STARD13: variants seen among roughly 807,000 people sequenced by gnomAD.
STARD13 encodes the protein StAR related lipid transfer domain containing 13, also known as stAR-related lipid transfer protein 13.
STARD13 carries 62 observed loss-of-function variants against 106.4 expected under a neutral mutation model. That is an observed-to-expected ratio of 0.58 (90% CI 0.48 to 0.72). The LOEUF (loss-of-function observed/expected upper bound fraction) is 0.72, where lower values mean the gene tolerates loss of function less well. STARD13 is among the 30% of genes least tolerant of loss of function. The probability of loss-of-function intolerance (pLI) is 0.00; values close to 1 mark genes in which losing one functional copy is unlikely to be tolerated. For synonymous variants in STARD13, 565 were observed against 553.0 expected, an observed-to-expected ratio of 1.02 and a Z score of -0.31; for missense variants, 1,387 against 1,424.0, an observed-to-expected ratio of 0.97 and a Z score of 0.42.
At chr13:33,590,198 A>G in the STARD13 span, among the ~76,000 whole-genome samples, 968 of 152,274 alleles carry the variant, frequency 6.4e-3, 10 homozygotes, top group African/African-American at 0.022. Flanking sequence ...GTCAGGAAAC[A>G]ACAGGTGCTG....
the STARD13 span, among the ~76,000 whole-genome samples, chr13:33,568,417 A>G: frequency 1.3e-4 from 19 of 148,262 alleles, 3 homozygotes; most frequent in African/African-American, 4.7e-4. Context: ...TCCTGTGGCA[A>G]TTATTTGTTA....
upstream of STARD13, among the ~76,000 whole-genome samples, chr13:33,287,848 AG>A (rs1371833015): frequency 2.0e-5 from 3 of 152,088 alleles, no homozygotes; most frequent in Non-Finnish European, 4.4e-5. Flanking sequence ...GAGAAAGAAG[AG>A]GGGAGCATGG....
At chr13:33,296,944 T>C (rs1340608651) in intron 1 of STARD13, among the ~76,000 whole-genome samples, 1 of 152,220 alleles carries the variant, frequency 6.6e-6, no homozygotes, top group African/African-American at 2.4e-5. Context: ...AAATTCCACA[T>C]GTAAATGAGA....
At chr13:33,329,649 G>A (rs1391787138) in intron 1 of STARD13, among the ~76,000 whole-genome samples, 1 of 70,602 alleles carries the variant, frequency 1.4e-5, no homozygotes, top group Non-Finnish European at 2.9e-5. Flanking sequence ...TCCATTGTGT[G>A]TGTGTATGTG....
At position 33,339,682 on chromosome 13, in the gene STARD13, T is replaced by C. The variant is rs1401095071; in HGVS notation, c.124+10608A>G. 2.6e-5 allele frequency among the ~76,000 whole-genome samples: 4 copies of C among 152,364 alleles called. No homozygotes were observed. In the East Asian group the frequency reaches 7.7e-4, roughly 29 times the overall value. ...CTTTCTGTCTAGAAAGAATAAAACCTTCTATAAGATAATACTTGAAATATG... is the reference window on the plus strand; with the variant it reads ...CTTTCTGTCTAGAAAGAATAAAACCCTCTATAAGATAATACTTGAAATATG... On this transcript the variant is annotated intron_variant, in intron 1 of 5. Coordinates refer to the STARD13 transcript ENST00000567873.
At chr13:33,406,336 A>G in the STARD13 span, among the ~76,000 whole-genome samples, 2 of 152,222 alleles carry the variant, frequency 1.3e-5, no homozygotes, top group African/African-American at 4.8e-5. Context: ...AGGTAGCATG[A>G]ATGTTTTTCA....
intron 1 of STARD13, among the ~76,000 whole-genome samples, chr13:33,235,504 G>T (rs1889142119): frequency 6.6e-6 from 1 of 152,160 alleles, no homozygotes; most frequent in Admixed American, 6.5e-5. Flanking sequence ...CAATTTAAGG[G>T]TGTTTTTAAA....
the STARD13 span, among the ~76,000 whole-genome samples, chr13:33,369,505 A>G: frequency 1.9e-3 from 286 of 152,324 alleles, 9 homozygotes; most frequent in East Asian, 0.047. Context: ...TTTCTAATGG[A>G]TCCTTATTTG....
chr13:33,206,512 C>A (rs74936652), intron 1 of STARD13, among the ~76,000 whole-genome samples: 1 of 152,250 alleles, frequency 6.6e-6, no homozygotes, highest in East Asian at 1.9e-4. Context: ...AATTGTGTAT[C>A]CTTAAAAAAC....
the STARD13 span, among the ~76,000 whole-genome samples, chr13:33,468,996 C>G: frequency 3.9e-5 from 6 of 152,286 alleles, no homozygotes; most frequent in African/African-American, 1.2e-4. Context: ...AAGTGAGCCA[C>G]TACTAACTAA....
At chr13:33,180,772 CAAAG>C (rs1424794886) in intron 1 of STARD13, among the ~76,000 whole-genome samples, 1 of 152,170 alleles carries the variant, frequency 6.6e-6, no homozygotes, top group Non-Finnish European at 1.5e-5. Flanking sequence ...CATTTAAAAA[CAAAG>C]GAAGTGTTGC....
intron 1 of STARD13, among the ~76,000 whole-genome samples, chr13:33,199,293 C>A (rs1428895779): frequency 6.6e-6 from 1 of 152,202 alleles, no homozygotes; most frequent in Non-Finnish European, 1.5e-5. Context: ...CAAGACGTGA[C>A]TGTAATATTC....
chr13:33,176,525 G>C (rs531287070), intron 1 of STARD13, among the ~76,000 whole-genome samples: 1 of 152,124 alleles, frequency 6.6e-6, no homozygotes, highest in Non-Finnish European at 1.5e-5. Flanking sequence ...CAAAGATACT[G>C]CTGAGCTTAA....
At chr13:33,446,595 C>T in the STARD13 span, among the ~76,000 whole-genome samples, 1 of 151,840 alleles carries the variant, frequency 6.6e-6, no homozygotes, top group Non-Finnish European at 1.5e-5. Context: ...AATGAAAATC[C>T]ACTTTTGTGG....
intron 1 of STARD13, among the ~76,000 whole-genome samples, chr13:33,235,192 C>A (rs935316490): frequency 1.3e-5 from 2 of 152,170 alleles, no homozygotes; most frequent in Non-Finnish European, 2.9e-5. Context: ...GAGAGGCTCA[C>A]AAGCAACACT....
intron 1 of STARD13, among the ~76,000 whole-genome samples, chr13:33,218,099 C>T (rs1250853009): frequency 6.6e-6 from 1 of 152,136 alleles, no homozygotes; most frequent in Non-Finnish European, 1.5e-5. Flanking sequence ...CGGAAGTAGC[C>T]AACTTTTTAC....
At chr13:33,473,940 C>G in the STARD13 span, among the ~76,000 whole-genome samples, 1 of 152,200 alleles carries the variant, frequency 6.6e-6, no homozygotes, top group Non-Finnish European at 1.5e-5. Context: ...GAGAGGAAAG[C>G]ACCCCAATTG....
the STARD13 span, among the ~76,000 whole-genome samples, chr13:33,653,040 G>A: frequency 6.6e-6 from 1 of 152,110 alleles, no homozygotes; most frequent in African/African-American, 2.4e-5. Context: ...GCAAGTTAAT[G>A]GAGAGATATC....
At chr13:33,169,916 C>T (rs1249184339) in intron 1 of STARD13, among the ~76,000 whole-genome samples, 3 of 152,250 alleles carry the variant, frequency 2.0e-5, no homozygotes, top group East Asian at 1.9e-4. Context: ...TGGAACATCA[C>T]GTGTTTTCAC....
Sources: allele counts gnomAD v4.1 joint callset (sites outside exome capture counted in the v4.1 genomes callset), GRCh38; gene constraint gnomAD v4.1.1; transcripts MANE v1.5; gene names NCBI Gene and HGNC (gene_info 2026-07-23, HGNC 2026-07-21).